Variants in NUP98 observed in about 807,000 individuals in gnomAD.
The protein encoded by NUP98 is nucleoporin 98 and 96 precursor, also known as nuclear pore complex protein Nup98-Nup96.
A neutral mutation model predicts 191.9 loss-of-function variants in NUP98; 26 were observed. The observed-to-expected ratio is 0.14, with a 90% CI of 0.10 to 0.19. NUP98 has a LOEUF of 0.19. NUP98 is among the 10% of genes least tolerant of loss of function. The probability of loss-of-function intolerance (pLI) is 1.00; values close to 1 mark genes in which losing one functional copy is unlikely to be tolerated. For missense variants in NUP98, 1,941 were observed against 2,178.8 expected, an observed-to-expected ratio of 0.89 and a Z score of 2.17; for synonymous variants, 808 against 778.4, an observed-to-expected ratio of 1.04 and a Z score of -0.63.
At position 3,797,548 on chromosome 11, in the gene NUP98, C is replaced by T. The variant is rs999803743; in HGVS notation, c.-177G>A. On this transcript the variant is annotated 5_prime_UTR_variant, in exon 1 of 33. Transcript: ENST00000324932. ...CTTCGGGCGCAGCGCGCAGAGGGCC[C>T]GACTGCGTCACACGCCGCCCGGCGT... 5 of 482,788 alleles carry T rather than the reference C, an allele frequency of 1.0e-5. No homozygotes were observed. The highest frequency in any genetic ancestry group is 2.0e-5 in the African/African-American group (1 of 48,976). The allele number at this position is 482,788 out of a possible 1,614,324, so 29.9% of individuals were successfully genotyped here.
intron 30 of NUP98, 181 bp from the exon 31 acceptor site, chr11:3,679,889 G>T: frequency 1.6e-6 from 1 of 636,500 alleles, no homozygotes. Flanking sequence ...CCACAATAAA[G>T]CAGGTATCAC....
At chr11:3,782,480 G>C (rs954691074) in intron 1 of NUP98, among the ~76,000 whole-genome samples, 2 of 149,272 alleles carry the variant, frequency 1.3e-5, no homozygotes, top group Non-Finnish European at 3.0e-5. Flanking sequence ...TACAAGGCAA[G>C]ATGTTTATAT....
intron 1 of NUP98, among the ~76,000 whole-genome samples, chr11:3,793,281 T>A (rs1427408592): frequency 1.3e-5 from 2 of 152,100 alleles, no homozygotes; most frequent in Non-Finnish European, 2.9e-5. Flanking sequence ...ATGCAAAGAC[T>A]GGTACATTTA....
chr11:3,735,329 TAAA>T lies in NUP98; in HGVS notation c.1409-8_1409-6del, dbSNP rs753284039. ...AAGCATTTGGATCTGTCAAAGCTTT[TAAA>T]AAAAAAAAAAGAAAACAAAATATAT... On this transcript the variant is annotated splice_region_variant and splice_polypyrimidine_tract_variant and intron_variant, in intron 12 of 32. Transcript: ENST00000324932. 18 of 1,079,032 alleles carry T rather than the reference TAAA, an allele frequency of 1.7e-5. No homozygotes were observed. Among genetic ancestry groups the T allele is most frequent in the Middle Eastern group, 3.4e-4 (1 of 2,966 alleles). The allele number at this position is 1,079,032 out of a possible 1,614,324, so 66.8% of individuals were successfully genotyped here.
At chr11:3,740,375 G>C (rs949511485) in intron 12 of NUP98, among the ~76,000 whole-genome samples, 1 of 152,004 alleles carries the variant, frequency 6.6e-6, no homozygotes, top group Admixed American at 6.6e-5. Flanking sequence ...GCCGGGCGTG[G>C]TGACATGGGC....
intron 19 of NUP98, 30 bp downstream of exon 19, chr11:3,713,788 A>G (rs748325596): frequency 3.2e-6 from 5 of 1,585,824 alleles, no homozygotes; most frequent in South Asian, 1.1e-5. Context: ...TATAGTTTAT[A>G]AAAGTCTGAA....
At chr11:3,724,745 C>T (rs1231920866) in intron 15 of NUP98, among the ~76,000 whole-genome samples, 10 of 131,716 alleles carry the variant, frequency 7.6e-5, no homozygotes, top group African/African-American at 2.4e-4. Context: ...CATGCCACTG[C>T]ACTCCAGCCT....
rs748661513 is a variant in NUP98 at position 3,679,853 on chromosome 11, G to C, written c.4919-145C>G. 2.2e-4 allele frequency: 153 copies of C among 708,828 alleles called. 1 individual carries two copies. Among genetic ancestry groups the C allele is most frequent in the Non-Finnish European group, 3.3e-4 (144 of 439,572 alleles). 43.9% of individuals were successfully genotyped at this position (708,828 alleles called of 1,614,324 possible). A position where few individuals can be genotyped will look rare whatever the true frequency, so the allele number is the denominator to read the frequency against. On this transcript the variant is annotated intron_variant, in intron 30 of 32. Transcript: ENST00000324932. ...AAAGCACATACAGGCATACCTCAAA[G>C]ATACTGTGGGTTTCATTTCAGACCA...
intron 20 of NUP98, among the ~76,000 whole-genome samples, chr11:3,711,216 G>C (rs2079016053): frequency 6.6e-6 from 1 of 151,688 alleles, no homozygotes; most frequent in Admixed American, 6.6e-5. Context: ...GTGCACTACA[G>C]CCTGGGCGAC....
At position 3,713,809 on chromosome 11, in the gene NUP98, T is replaced by C; in HGVS notation, c.2577+9A>G. 1.2e-6 allele frequency: 2 copies of C among 1,608,542 alleles called. No homozygotes were observed. Among genetic ancestry groups the C allele is most frequent in the Non-Finnish European group, 1.7e-6 (2 of 1,178,290 alleles). On this transcript the variant is annotated intron_variant, in intron 19 of 32. Transcript: ENST00000324932. The stretch of plus-strand genomic sequence containing the variant: ...TTATAAAAGTCTGAACTGGGTTAAA[T>C]GACTATACCTTAAACACCCAAGAAC...
At chr11:3,771,190 ACAC>A (rs1044358965) in intron 7 of NUP98, among the ~76,000 whole-genome samples, 3 of 152,124 alleles carry the variant, frequency 2.0e-5, no homozygotes, top group African/African-American at 7.2e-5. Flanking sequence ...CAAGACACTA[ACAC>A]CTCTTATGTT....
rs1396009000 is a variant in NUP98, at chr11:3,679,714, G to A, written c.4919-6C>T. Reference sequence around the variant, plus strand: ...GTTCTCATTAATGATGGCATCTGAAGAAACAAAGTATTGAGCACAATGTCT... The same window carrying A: ...GTTCTCATTAATGATGGCATCTGAAAAAACAAAGTATTGAGCACAATGTCT... On this transcript the variant is annotated splice_region_variant and splice_polypyrimidine_tract_variant and intron_variant, in intron 30 of 32. Coordinates refer to ENST00000324932, the MANE Select transcript of NUP98 (RefSeq NM_016320.5). 6.2e-7 allele frequency: 1 copy of A among 1,613,062 alleles called. No individual in the cohort carries two copies. Among genetic ancestry groups the A allele is most frequent in the Non-Finnish European group, 8.5e-7 (1 of 1,179,560 alleles).
intron 6 of NUP98, among the ~76,000 whole-genome samples, chr11:3,773,266 G>A (rs1019463090): frequency 3.3e-5 from 5 of 152,004 alleles, no homozygotes; most frequent in South Asian, 2.1e-4. Context: ...TTAGCTGGGC[G>A]TGGGGCACAT....
rs1051577407 is a variant in NUP98, at chr11:3,695,379, C to T, written c.4167+70G>A. 9 of 1,352,918 alleles carry T rather than the reference C, an allele frequency of 6.7e-6. No homozygotes were observed. In the African/African-American group the frequency reaches 1.3e-4, roughly 20 times the overall value. The allele number at this position is 1,352,918 out of a possible 1,614,324, so 83.8% of individuals were successfully genotyped here. A position where few individuals can be genotyped will look rare whatever the true frequency, so the allele number is the denominator to read the frequency against. The stretch of plus-strand genomic sequence containing the variant: ...CACAATTTACAAAGATCACTCCTTG[C>T]CTCAACCTCAAACCAGCTTCAATTT... On this transcript the variant is annotated intron_variant, in intron 26 of 32. Transcript: ENST00000324932.
intron 14 of NUP98, among the ~76,000 whole-genome samples, chr11:3,729,070 C>T (rs1370199707): frequency 6.6e-6 from 1 of 151,918 alleles, no homozygotes; most frequent in African/African-American, 2.4e-5. Flanking sequence ...TTTTAGACAT[C>T]GAAGTGAAGA....
chr11:3,703,297 AC>A (rs1160652184), intron 22 of NUP98, among the ~76,000 whole-genome samples: 1 of 151,370 alleles, frequency 6.6e-6, no homozygotes, highest in Non-Finnish European at 1.5e-5. Flanking sequence ...GCTCACTGCA[AC>A]CTCTGCCTCC....
At chr11:3,738,247 A>C (rs1050400145) in intron 12 of NUP98, among the ~76,000 whole-genome samples, 2 of 152,214 alleles carry the variant, frequency 1.3e-5, no homozygotes, top group Admixed American at 6.5e-5. Flanking sequence ...ATTAGCAAAA[A>C]CAAGAAAACA....
rs2078025818 is a variant in NUP98, at chr11:3,683,048, G to C, written c.4918+152C>G. On this transcript the variant is annotated intron_variant, in intron 30 of 32. Transcript: ENST00000324932. The stretch of plus-strand genomic sequence containing the variant: ...TCCTCTAGCGCCTCATCCTGGCTAA[G>C]CCTCTTCTGCAGAGAGCTTTTGCAA... 5.5e-6 allele frequency: 6 copies of C among 1,095,742 alleles called. No individual in the cohort carries two copies. In the Admixed American group the frequency reaches 8.2e-5, roughly 15 times the overall value. The allele number at this position is 1,095,742 out of a possible 1,614,324, so 67.9% of individuals were successfully genotyped here. A position where few individuals can be genotyped will look rare whatever the true frequency, so the allele number is the denominator to read the frequency against.
intron 12 of NUP98, among the ~76,000 whole-genome samples, chr11:3,739,258 T>C (rs1430722827): frequency 6.6e-6 from 1 of 150,596 alleles, no homozygotes; most frequent in Non-Finnish European, 1.5e-5. Context: ...ATTAAAACAA[T>C]TTTTTTTTTG....
Sources: gnomAD v4.1 joint callset for allele counts (sites outside exome capture counted in the v4.1 genomes callset) on GRCh38, gnomAD v4.1.1 for gene constraint, MANE v1.5 for transcripts, NCBI Gene and HGNC (gene_info 2026-07-23, HGNC 2026-07-21) for gene names.